The following STAG1 variants were observed in gnomAD, a reference collection of about 807,000 sequenced individuals.
The protein encoded by STAG1 is STAG1 cohesin complex component.
A neutral mutation model predicts 170.9 loss-of-function variants in STAG1; 26 were observed. The observed-to-expected ratio is 0.15, with a 90% confidence interval of 0.11 to 0.21. STAG1 has a LOEUF of 0.21. STAG1 is among the 10% of genes least tolerant of loss of function. The pLI is 1.00. For missense variants in STAG1, 964 were observed against 1,509.5 expected (o/e 0.64, Z 5.99); for synonymous variants, 514 against 497.7 (o/e 1.03, Z -0.44).
chr3:136,709,215 G>A (rs1010584785), intron 1 of STAG1, among the ~76,000 whole-genome samples: 7 of 151,764 alleles, frequency 4.6e-5, no homozygotes, highest in Non-Finnish European at 8.8e-5. Flanking sequence ...ACATGAACCC[G>A]AGAGGTGGAG....
intron 21 of STAG1, among the ~76,000 whole-genome samples, chr3:136,400,614 C>T (rs910717491): frequency 6.6e-6 from 1 of 151,956 alleles, no homozygotes; most frequent in Non-Finnish European, 1.5e-5. Context: ...CGGCTCACTG[C>T]AACCTCCGCC....
chr3:136,565,479 C>G (rs1937043359), intron 5 of STAG1, among the ~76,000 whole-genome samples: 1 of 152,126 alleles, frequency 6.6e-6, no homozygotes. Flanking sequence ...CAGTTAGATA[C>G]CACTTTATAC....
In STAG1 at chr3:136,337,007, A is replaced by AAAG. The variant is rs1935705439; in HGVS notation, c.*1244_*1246dup. ...TTTAAAACAATAGCAGCAAGTCATA[A>AAAG]AAGTCTAGGCAGAATGTAACTCTAA... On this transcript the variant is annotated 3_prime_UTR_variant, in exon 34 of 34. Coordinates refer to ENST00000383202, the MANE Select transcript of STAG1 (RefSeq NM_005862.3). 2.0e-5 allele frequency: 3 copies of AAAG among 152,484 alleles called. No homozygotes were observed. The highest frequency in any genetic ancestry group is 4.1e-4 in the South Asian group (2 of 4,830). 9.4% of individuals were successfully genotyped at this position (152,484 alleles called of 1,614,324 possible). A position where few individuals can be genotyped will look rare whatever the true frequency, so the allele number is the denominator to read the frequency against.
chr3:136,561,309 A>C (rs1241663714), intron 5 of STAG1, among the ~76,000 whole-genome samples: 1 of 152,242 alleles, frequency 6.6e-6, no homozygotes, highest in Non-Finnish European at 1.5e-5. Context: ...GTTAATAAAA[A>C]GGTCTTCCCC....
intron 1 of STAG1, among the ~76,000 whole-genome samples, chr3:136,714,949 A>ATTTT (rs1943485222): frequency 1.2e-5 from 1 of 80,074 alleles, no homozygotes; most frequent in Non-Finnish European, 2.9e-5. Flanking sequence ...ATATATATAT[A>ATTTT]TATATATATA....
intron 7 of STAG1, among the ~76,000 whole-genome samples, chr3:136,509,673 C>G (rs1933949397): frequency 6.6e-6 from 1 of 151,982 alleles, no homozygotes; most frequent in Non-Finnish European, 1.5e-5. Context: ...ATTAAAAAAA[C>G]AGTTGAGTGG....
At chr3:136,462,536 A>G (rs2089303397) in intron 13 of STAG1, among the ~76,000 whole-genome samples, 1 of 152,160 alleles carries the variant, frequency 6.6e-6, no homozygotes, top group South Asian at 2.1e-4. Flanking sequence ...AGAGGGTGGA[A>G]TAAAGAGAGG....
chr3:136,396,209 GTTTTTTTTTTT>G (rs1157402968), intron 22 of STAG1, among the ~76,000 whole-genome samples: 2 of 87,952 alleles, frequency 2.3e-5, no homozygotes, highest in African/African-American at 4.2e-5. Flanking sequence ...GTGTAACACA[GTTTTTTTTTTT>G]TTTTTTTTTT....
chr3:136,685,316 C>G (rs111258210), intron 1 of STAG1, among the ~76,000 whole-genome samples: 1 of 147,242 alleles, frequency 6.8e-6, no homozygotes, highest in African/African-American at 2.6e-5. Flanking sequence ...ACTTCCTCTC[C>G]AAAAACAAAC....
chr3:136,349,514 AGGGACT>A, intron 28 of STAG1, 151 bp from the exon 29 acceptor site: 1 of 639,502 alleles, frequency 1.6e-6, no homozygotes, highest in Non-Finnish European at 2.7e-6. Context: ...TTGGAAAGAG[AGGGACT>A]GAGGAGTTAA....
rs1935975657 is a variant in STAG1, at chr3:136,341,690, T to TA, written c.3447-140dup. 16 of 610,260 alleles carry TA rather than the reference T, an allele frequency of 2.6e-5. No homozygotes were observed. The South Asian group carries it at 3.2e-4, about 12-fold the overall frequency. 37.8% of individuals were successfully genotyped at this position (610,260 alleles called of 1,614,324 possible). On this transcript the variant is annotated intron_variant, in intron 30 of 33. Transcript: ENST00000383202. ...CTGGATTTATTCTGGTGCCTTTTTA[T>TA]AAAAAAGGCAATAAGTTGCCCAAAG...
rs1940147270 is a variant in STAG1, at chr3:136,627,284, TATATAAGA to T, written c.29+3578_29+3585del. Among the ~76,000 whole-genome samples the T allele has an allele frequency of 1.2e-4, 19 of 152,106 alleles. 2 individuals carry two copies. In the South Asian group the frequency reaches 3.5e-3, roughly 28 times the overall value. On this transcript the variant is annotated intron_variant, in intron 2 of 33. Transcript: ENST00000383202. Reference sequence around the variant, plus strand: ...AAAGAAAATTTCGAGCAACAGAAAATATATAAGAATACAAGGAAAAGTTTCACTTTATC... The same window carrying T: ...AAAGAAAATTTCGAGCAACAGAAAATATACAAGGAAAAGTTTCACTTTATC...
In STAG1 at chr3:136,703,024, C is replaced by T. The variant is rs185800972; in HGVS notation, c.-84+49171G>A. Among the ~76,000 whole-genome samples the T allele has an allele frequency of 6.2e-5, 9 of 146,140 alleles. No homozygotes were observed. In the East Asian group the frequency reaches 8.1e-4, roughly 13 times the overall value. On this transcript the variant is annotated intron_variant, in intron 1 of 33. Coordinates refer to ENST00000383202, the MANE Select transcript of STAG1 (RefSeq NM_005862.3). ...CACAGGTTGCAGTGAGCTGATATTG[C>T]GCCACTGCACTCCAGCCTGGCAACA...
At chr3:136,742,030 C>G (rs1208540176) in intron 1 of STAG1, among the ~76,000 whole-genome samples, 2 of 152,102 alleles carry the variant, frequency 1.3e-5, no homozygotes, top group Non-Finnish European at 2.9e-5. Context: ...TGTCTTACAA[C>G]AGAGCTTCAA....
chr3:136,354,374 C>T (rs1936547828), intron 28 of STAG1, among the ~76,000 whole-genome samples: 2 of 152,124 alleles, frequency 1.3e-5, no homozygotes, highest in Non-Finnish European at 1.5e-5. Context: ...CTTACTGCGA[C>T]CTCTGCCCCT....
At chr3:136,623,398 T>A in intron 2 of STAG1, 150 bp from the exon 3 acceptor site, 1 of 543,334 alleles carries the variant, frequency 1.8e-6, no homozygotes, top group Non-Finnish European at 3.2e-6. Context: ...AAAAATGTTA[T>A]CCTCCCTTCC....
intron 3 of STAG1, among the ~76,000 whole-genome samples, chr3:136,612,579 G>A (rs929634231): frequency 6.6e-6 from 1 of 152,214 alleles, no homozygotes; most frequent in Admixed American, 6.5e-5. Flanking sequence ...TGTAGCTCCA[G>A]CTATGCAGAA....
At chr3:136,572,590 C>G (rs1220669785) in intron 4 of STAG1, among the ~76,000 whole-genome samples, 1 of 85,632 alleles carries the variant, frequency 1.2e-5, no homozygotes, top group African/African-American at 5.3e-5. Flanking sequence ...GGTGACAGAG[C>G]AAGACTGTCT....
chr3:136,377,798 G>T (rs772790880), intron 22 of STAG1, 46 bp from the exon 23 acceptor site: 59 of 1,498,826 alleles, frequency 3.9e-5, no homozygotes, highest in Non-Finnish European at 5.3e-5. Context: ...CAGGATCACA[G>T]AAAACTGATC....
Sources: allele counts gnomAD v4.1 joint callset (sites outside exome capture counted in the v4.1 genomes callset), GRCh38; gene constraint gnomAD v4.1.1; transcripts MANE v1.5; gene names NCBI Gene and HGNC (gene_info 2026-07-23, HGNC 2026-07-21).